ST8SIA5: variants seen among roughly 807,000 people sequenced by gnomAD.
ST8SIA5 encodes ST8 alpha-N-acetyl-neuraminide alpha-2,8-sialyltransferase 5, also known as alpha-2,8-sialyltransferase 8E.
ST8SIA5 carries 24 observed loss-of-function variants against 40.2 expected under a neutral mutation model. That is an observed-to-expected ratio of 0.60 (90% confidence interval 0.43 to 0.84). The LOEUF is 0.84. Among genes scored for constraint, ST8SIA5 ranks in the 40% least tolerant of loss-of-function variants. The probability of loss-of-function intolerance (pLI) is 0.00; values close to 1 mark genes in which losing one functional copy is unlikely to be tolerated. For synonymous variants in ST8SIA5, 198 were observed against 201.8 expected, an observed-to-expected ratio of 0.98 and a Z score of 0.16; for missense variants, 465 against 498.5, an observed-to-expected ratio of 0.93 and a Z score of 0.64.
chr18:46,748,221 T>A (rs963402349), intron 1 of ST8SIA5, among the ~76,000 whole-genome samples: 1 of 148,486 alleles, frequency 6.7e-6, no homozygotes, highest in African/African-American at 2.5e-5. Flanking sequence ...AAAAGTATAA[T>A]TCATAAATAA....
intron 1 of ST8SIA5, among the ~76,000 whole-genome samples, chr18:46,713,364 G>C (rs370467893): frequency 2.0e-5 from 3 of 152,180 alleles, no homozygotes; most frequent in East Asian, 3.8e-4. Context: ...GAGATGAACA[G>C]GTTTGGGGTG....
intron 1 of ST8SIA5, among the ~76,000 whole-genome samples, chr18:46,715,600 C>T (rs983503053): frequency 9.9e-5 from 15 of 151,374 alleles, no homozygotes; most frequent in Non-Finnish European, 1.5e-4. Context: ...ACTCTGTCAC[C>T]CAGGCTGGAG....
intron 1 of ST8SIA5, among the ~76,000 whole-genome samples, chr18:46,744,321 T>C (rs1418463823): frequency 1.3e-5 from 2 of 152,072 alleles, no homozygotes; most frequent in Non-Finnish European, 1.5e-5. Flanking sequence ...AGGAGACCCA[T>C]CTCATGTGCA....
rs542660984 is a variant in ST8SIA5 at position 46,692,166 on chromosome 18, T to C, written c.311+3A>G. On this transcript the variant is annotated splice_donor_region_variant and intron_variant, in intron 3 of 6. Coordinates refer to ENST00000315087, the MANE Select transcript of ST8SIA5 (RefSeq NM_013305.6). Reference sequence around the variant, plus strand: ...GAAGGGAGGACAGACGAATCATAGATACTTGAACTGGTTGGCCTCAGAGAT... The same window carrying C: ...GAAGGGAGGACAGACGAATCATAGACACTTGAACTGGTTGGCCTCAGAGAT... 2.5e-6 allele frequency: 4 copies of C among 1,614,024 alleles called. No individual in the cohort carries two copies. Among genetic ancestry groups the C allele is most frequent in the South Asian group, 2.2e-5 (2 of 91,072 alleles).
At position 46,754,488 on chromosome 18, in the gene ST8SIA5, T is replaced by A. The variant is rs528052116; in HGVS notation, c.131+1890A>T. ...GAGTCCTCTGAGTACCAAGACCACA[T>A]CATCTCCTTCTTTACAGACCCTTAT... On this transcript the variant is annotated intron_variant, in intron 1 of 6. Coordinates refer to ENST00000315087, the MANE Select transcript of ST8SIA5 (RefSeq NM_013305.6). Among the ~76,000 whole-genome samples, 16 of 152,320 alleles carry A rather than the reference T, an allele frequency of 1.1e-4. No homozygotes were observed. In the South Asian group the frequency reaches 3.3e-3, roughly 32 times the overall value.
intron 1 of ST8SIA5, among the ~76,000 whole-genome samples, chr18:46,711,804 C>T (rs553523024): frequency 6.6e-6 from 1 of 152,226 alleles, no homozygotes; most frequent in Non-Finnish European, 1.5e-5. Context: ...CCGGCTCCAA[C>T]CCCTGGCTGG....
rs1198630445 is a variant in ST8SIA5, at chr18:46,671,792, T to A, written c.*8250A>T. The A allele has an allele frequency of 1.3e-5, 2 of 152,176 alleles. No individual in the cohort carries two copies. Among genetic ancestry groups the A allele is most frequent in the Admixed American group, 1.3e-4 (2 of 15,284 alleles). 9.4% of individuals were successfully genotyped at this position (152,176 alleles called of 1,614,324 possible). A position where few individuals can be genotyped will look rare whatever the true frequency, so the allele number is the denominator to read the frequency against. ...TTCAGAAAAAGAAAAGCTGGTACCT[T>A]TAAGAAGTCTCACGCCTGAGTCAGA... is the stretch of plus-strand genomic sequence containing the variant. On this transcript the variant is annotated 3_prime_UTR_variant, in exon 7 of 7. Coordinates refer to ENST00000315087, the MANE Select transcript of ST8SIA5 (RefSeq NM_013305.6).
intron 1 of ST8SIA5, among the ~76,000 whole-genome samples, chr18:46,718,346 G>GA (rs1446743963): frequency 3.1e-5 from 4 of 128,424 alleles, no homozygotes; most frequent in South Asian, 2.5e-4. Flanking sequence ...AAAAAAAAAA[G>GA]AAAAAAAATT....
chr18:46,728,592 T>A (rs1209230681), intron 1 of ST8SIA5, among the ~76,000 whole-genome samples: 1 of 152,236 alleles, frequency 6.6e-6, no homozygotes, highest in Non-Finnish European at 1.5e-5. Context: ...ATGTGCTGAC[T>A]GCTCAACCCA....
intron 1 of ST8SIA5, among the ~76,000 whole-genome samples, chr18:46,728,221 T>C (rs1412197671): frequency 2.0e-5 from 3 of 151,898 alleles, no homozygotes; most frequent in African/African-American, 7.3e-5. Context: ...TATAGAGTAT[T>C]ATAAAATGAA....
intron 6 of ST8SIA5, among the ~76,000 whole-genome samples, chr18:46,680,712 A>C (rs1394223056): frequency 6.6e-6 from 1 of 152,138 alleles, no homozygotes; most frequent in Non-Finnish European, 1.5e-5. Context: ...GGTGCAGGAG[A>C]GGGCAGTTGG....
chr18:46,669,761 GA>G lies in ST8SIA5; in HGVS notation c.*10280del. 6.6e-6 allele frequency: 1 copy of G among 152,272 alleles called. No homozygotes were observed. The highest frequency in any genetic ancestry group is 1.5e-5 in the Non-Finnish European group (1 of 68,072). The allele number at this position is 152,272 out of a possible 1,614,324, so 9.4% of individuals were successfully genotyped here. ...GCAGGAGAGTCTCCAATGTCAGGGG[GA>G]AAATGTTAAGTTCAAAAGAGTGAGT... On this transcript the variant is annotated 3_prime_UTR_variant, in exon 7 of 7. Transcript: ENST00000315087.
At chr18:46,680,978 T>C (rs2039389162) in intron 6 of ST8SIA5, among the ~76,000 whole-genome samples, 1 of 149,324 alleles carries the variant, frequency 6.7e-6, no homozygotes, top group African/African-American at 2.4e-5. Flanking sequence ...CACTAGTGTG[T>C]TGTTATTTTT....
chr18:46,706,483 C>T (rs561100992), intron 1 of ST8SIA5, among the ~76,000 whole-genome samples: 6 of 152,228 alleles, frequency 3.9e-5, no homozygotes, highest in African/African-American at 1.4e-4. Context: ...GGTACAAAAG[C>T]AATTGCAGTT....
rs1201924058 is a variant in ST8SIA5 at position 46,674,458 on chromosome 18, C to T, written c.*5584G>A. On this transcript the variant is annotated 3_prime_UTR_variant, in exon 7 of 7. Transcript: ENST00000315087. Reference sequence around the variant, plus strand: ...TAGGTAAAAAAATCAATAGAGGACTCTCCTCAGCTGACAATTTCCCCAAGG... The same window carrying T: ...TAGGTAAAAAAATCAATAGAGGACTTTCCTCAGCTGACAATTTCCCCAAGG... 6.6e-6 allele frequency: 1 copy of T among 152,226 alleles called. No individual in the cohort carries two copies. Among genetic ancestry groups the T allele is most frequent in the Non-Finnish European group, 1.5e-5 (1 of 68,050 alleles). 9.4% of individuals were successfully genotyped at this position (152,226 alleles called of 1,614,324 possible).
At chr18:46,713,164 G>T (rs2039750746) in intron 1 of ST8SIA5, among the ~76,000 whole-genome samples, 1 of 152,200 alleles carries the variant, frequency 6.6e-6, no homozygotes, top group South Asian at 2.1e-4. Context: ...AACTATTGCA[G>T]CATGAAAAGA....
intron 1 of ST8SIA5, among the ~76,000 whole-genome samples, chr18:46,709,685 C>CA (rs1378863159): frequency 1.3e-5 from 2 of 152,032 alleles, no homozygotes; most frequent in East Asian, 3.9e-4. Flanking sequence ...ATGCAAGTTA[C>CA]AAAACTATGA....
intron 1 of ST8SIA5, among the ~76,000 whole-genome samples, chr18:46,720,886 T>C (rs1255982056): frequency 6.6e-6 from 1 of 152,162 alleles, no homozygotes; most frequent in Non-Finnish European, 1.5e-5. Context: ...ACCACCTTGA[T>C]GGAAATGGTT....
chr18:46,688,222 T>C (rs1218803782), intron 4 of ST8SIA5, among the ~76,000 whole-genome samples: 1 of 152,156 alleles, frequency 6.6e-6, no homozygotes, highest in East Asian at 1.9e-4. Flanking sequence ...AAAATAAATA[T>C]CTATCTTGAT....
Sources: gnomAD v4.1 joint callset for allele counts (sites outside exome capture counted in the v4.1 genomes callset) on GRCh38, gnomAD v4.1.1 for gene constraint, MANE v1.5 for transcripts, NCBI Gene and HGNC (gene_info 2026-07-23, HGNC 2026-07-21) for gene names.